The following TASP1 variants were observed in gnomAD, a reference collection of about 807,000 sequenced individuals.
The protein encoded by TASP1 is threonine aspartase 1.
A neutral mutation model predicts 56.6 loss-of-function variants in TASP1; 16 were observed. The observed-to-expected ratio is 0.28, with a 90% CI of 0.19 to 0.43. The LOEUF (loss-of-function observed/expected upper bound fraction) is 0.43. TASP1 is among the 20% of genes least tolerant of loss of function. The pLI is 1.00. For synonymous variants in TASP1, 179 were observed against 184.2 expected, an observed-to-expected ratio of 0.97 and a Z score of 0.23; for missense variants, 393 against 511.6, an observed-to-expected ratio of 0.77 and a Z score of 2.24.
chr20:13,223,070 G>A, the TASP1 span, among the ~76,000 whole-genome samples: 2 of 152,056 alleles, frequency 1.3e-5, no homozygotes, highest in Non-Finnish European at 2.9e-5. Context: ...GGCTGAGGCA[G>A]GAGAATTGCT....
At chr20:13,319,969 G>C in the TASP1 span, among the ~76,000 whole-genome samples, 1 of 152,202 alleles carries the variant, frequency 6.6e-6, no homozygotes, top group Non-Finnish European at 1.5e-5. Context: ...AGAAAGCACA[G>C]GCAGTTCTGA....
At chr20:13,562,209 C>T (rs1027583043) in intron 7 of TASP1, among the ~76,000 whole-genome samples, 4 of 152,184 alleles carry the variant, frequency 2.6e-5, no homozygotes, top group East Asian at 1.9e-4. Context: ...AGAAAATCCT[C>T]AGATAAGAAT....
the TASP1 span, among the ~76,000 whole-genome samples, chr20:13,350,599 T>A: frequency 6.6e-6 from 1 of 152,176 alleles, no homozygotes; most frequent in Non-Finnish European, 1.5e-5. Flanking sequence ...AAATCACATA[T>A]CTGACAACTT....
chr20:13,613,207 TA>T lies in TASP1; in HGVS notation c.282+10238del, dbSNP rs373760655. Among the ~76,000 whole-genome samples the T allele has an allele frequency of 3.7e-3, 561 of 152,276 alleles. 3 individuals are homozygous for T. Among genetic ancestry groups the T allele is most frequent in the East Asian group, 0.012 (61 of 5,188 alleles). Reference sequence around the variant, plus strand: ...TCTAAGTTTTGGTATAGTATTGATCTAAAAAGCAGAATTTTCATAACTGCAG... The same window carrying T: ...TCTAAGTTTTGGTATAGTATTGATCTAAAAGCAGAATTTTCATAACTGCAG... On this transcript the variant is annotated intron_variant, in intron 4 of 13. Coordinates refer to ENST00000337743, the MANE Select transcript of TASP1 (RefSeq NM_017714.3).
the TASP1 span, chr20:13,117,645 G>C: frequency 1.9e-6 from 3 of 1,614,092 alleles, no homozygotes; most frequent in Non-Finnish European, 2.5e-6. Flanking sequence ...CTTTGGACTA[G>C]ACCCTCATGA....
intron 8 of TASP1, among the ~76,000 whole-genome samples, chr20:13,540,908 C>T (rs2045596783): frequency 6.6e-6 from 1 of 150,622 alleles, no homozygotes; most frequent in Non-Finnish European, 1.5e-5. Flanking sequence ...TAGCAATGTA[C>T]TATCTTAAAA....
At chr20:13,169,855 C>T in the TASP1 span, among the ~76,000 whole-genome samples, 1 of 152,110 alleles carries the variant, frequency 6.6e-6, no homozygotes, top group Non-Finnish European at 1.5e-5. Context: ...GAAGCACATC[C>T]CAGAAATCAT....
chr20:13,368,453 A>C, the TASP1 span: 6 of 152,238 alleles, frequency 3.9e-5, no homozygotes, highest in Non-Finnish European at 8.8e-5. Context: ...AGGTCAAATG[A>C]GACATCAAAA....
chr20:13,440,253 T>C (rs1460188157), intron 11 of TASP1, among the ~76,000 whole-genome samples: 1 of 152,160 alleles, frequency 6.6e-6, no homozygotes, highest in Non-Finnish European at 1.5e-5. Flanking sequence ...TTACCTCCCA[T>C]GCATTCTTTC....
the TASP1 span, chr20:13,126,510 A>C: frequency 6.6e-7 from 1 of 1,523,774 alleles, no homozygotes; most frequent in Non-Finnish European, 8.9e-7. Flanking sequence ...CTATGAGGAT[A>C]GGGATGGGAC....
At position 13,459,072 on chromosome 20, in the gene TASP1, C is replaced by A. The variant is rs187940555; in HGVS notation, c.986-23918G>T. Among the ~76,000 whole-genome samples, 98 of 152,284 alleles carry A rather than the reference C, an allele frequency of 6.4e-4. 1 individual carries two copies. The South Asian group carries it at 0.02, about 31-fold the overall frequency. ...GCCCCTAGAGGCCACTCTCCATCACCCCTCAAAGATTTATGCCCCTGGCTG... is the reference window on the plus strand; with the variant it reads ...GCCCCTAGAGGCCACTCTCCATCACACCTCAAAGATTTATGCCCCTGGCTG... On this transcript the variant is annotated intron_variant, in intron 11 of 13. Coordinates refer to ENST00000337743, the MANE Select transcript of TASP1 (RefSeq NM_017714.3).
chr20:13,194,867 C>T, the TASP1 span, among the ~76,000 whole-genome samples: 1 of 152,116 alleles, frequency 6.6e-6, no homozygotes, highest in African/African-American at 2.4e-5. Context: ...ATCTGACTGG[C>T]TTCTACCAAC....
chr20:13,224,926 A>G, the TASP1 span, among the ~76,000 whole-genome samples: 4 of 145,676 alleles, frequency 2.7e-5, no homozygotes, highest in African/African-American at 1.0e-4. Flanking sequence ...GCTCACTGCA[A>G]CCTCCACTTC....
intron 10 of TASP1, among the ~76,000 whole-genome samples, chr20:13,520,889 A>T (rs1172307574): frequency 6.6e-6 from 1 of 152,228 alleles, no homozygotes; most frequent in African/African-American, 2.4e-5. Flanking sequence ...CAAAGGGCTA[A>T]TATCCAGAAT....
chr20:13,234,493 T>C, the TASP1 span, among the ~76,000 whole-genome samples: 1 of 152,230 alleles, frequency 6.6e-6, no homozygotes, highest in Admixed American at 6.5e-5. Flanking sequence ...CTGGATTGAA[T>C]GGTAGTTCTC....
chr20:13,558,567 T>C (rs933755924), intron 8 of TASP1, among the ~76,000 whole-genome samples: 3 of 152,072 alleles, frequency 2.0e-5, no homozygotes, highest in South Asian at 4.1e-4. Flanking sequence ...ATACCTGTAA[T>C]AACTTGGTAT....
chr20:13,258,969 T>A, the TASP1 span, among the ~76,000 whole-genome samples: 2 of 152,060 alleles, frequency 1.3e-5, no homozygotes, highest in Non-Finnish European at 2.9e-5. Flanking sequence ...ACCTTACAGA[T>A]GGCGAGCTGT....
At chr20:13,419,356 T>C (rs1341709805) in intron 12 of TASP1, among the ~76,000 whole-genome samples, 2 of 152,136 alleles carry the variant, frequency 1.3e-5, no homozygotes, top group African/African-American at 2.4e-5. Flanking sequence ...AAACACTGGT[T>C]GAATCTGGGA....
the TASP1 span, among the ~76,000 whole-genome samples, chr20:13,240,476 C>CTT: frequency 6.6e-6 from 1 of 152,218 alleles, no homozygotes; most frequent in South Asian, 2.1e-4. Context: ...ATCACAAACA[C>CTT]CAAAGCCTTG....
Sources: gnomAD v4.1 joint callset for allele counts (sites outside exome capture counted in the v4.1 genomes callset) on GRCh38, gnomAD v4.1.1 for gene constraint, MANE v1.5 for transcripts, NCBI Gene and HGNC (gene_info 2026-07-23, HGNC 2026-07-21) for gene names.